CEP68: variants seen among roughly 807,000 people sequenced by gnomAD.
CEP68 encodes the protein centrosomal protein of 68 kDa.
In CEP68, 26 loss-of-function variants were observed where a neutral mutation model predicts 55.3. The ratio of observed to expected loss-of-function variants is 0.47; its 90% CI spans 0.34 to 0.65. The LOEUF is 0.65. Among genes scored for constraint, CEP68 ranks in the 30% least tolerant of loss-of-function variants. The pLI is 0.01. For synonymous variants in CEP68, 402 were observed against 383.2 expected, an observed-to-expected ratio of 1.05 and a Z score of -0.57; for missense variants, 957 against 946.7, an observed-to-expected ratio of 1.01 and a Z score of -0.14.
rs572720065 is a variant in CEP68, at chr2:65,085,041, G to A, written c.*1407G>A. Reference sequence around the variant, plus strand: ...GTTAAAAAGGTAGAGATGTCTGACGGCCTCTTCTTAAATTGATATATTTTA... The same window carrying A: ...GTTAAAAAGGTAGAGATGTCTGACGACCTCTTCTTAAATTGATATATTTTA... On this transcript the variant is annotated 3_prime_UTR_variant, in exon 7 of 7. Transcript: ENST00000377990. The A allele has an allele frequency of 1.3e-5, 2 of 152,166 alleles. No individual in the cohort carries two copies. The highest frequency in any genetic ancestry group is 4.2e-4 in the South Asian group (2 of 4,818). The allele number at this position is 152,166 out of a possible 1,614,324, so 9.4% of individuals were successfully genotyped here. A position where few individuals can be genotyped will look rare whatever the true frequency, so the allele number is the denominator to read the frequency against.
chr2:65,058,326 C>T (rs1401534089), intron 1 of CEP68, among the ~76,000 whole-genome samples: 1 of 151,930 alleles, frequency 6.6e-6, no homozygotes, highest in South Asian at 2.1e-4. Context: ...ACCTCAGCCT[C>T]CCAAGTAGCT....
chr2:65,080,352 GT>G (rs1432635032), intron 5 of CEP68: 1 of 985,100 alleles, frequency 1.0e-6, no homozygotes, highest in African/African-American at 1.8e-5. Flanking sequence ...GAATGTGGCT[GT>G]TTCCCCCTTG....
rs561437986 is a variant in CEP68 at position 65,085,147 on chromosome 2, C to T, written c.*1513C>T. On this transcript the variant is annotated 3_prime_UTR_variant, in exon 7 of 7. Coordinates refer to ENST00000377990, the MANE Select transcript of CEP68 (RefSeq NM_015147.3). ...ACTGAATAGCCCTTAGGAAATTAAA[C>T]CCATTTATTTACTAATATTTGACAG... 6.6e-6 allele frequency: 1 copy of T among 152,198 alleles called. No individual in the cohort carries two copies. Among genetic ancestry groups the T allele is most frequent in the South Asian group, 2.1e-4 (1 of 4,820 alleles). 9.4% of individuals were successfully genotyped at this position (152,198 alleles called of 1,614,324 possible).
chr2:65,080,178 C>T, intron 5 of CEP68: 8 of 944,534 alleles, frequency 8.5e-6, no homozygotes, highest in Non-Finnish European at 1.0e-5. Context: ...TTTTGACCTT[C>T]ATTTTAAAAT....
chr2:65,058,360 G>C (rs1318891578), intron 1 of CEP68, among the ~76,000 whole-genome samples: 1 of 151,526 alleles, frequency 6.6e-6, no homozygotes, highest in African/African-American at 2.4e-5. Context: ...CACATCACCA[G>C]GCCCAGCTAA....
chr2:65,064,189 T>C (rs1001499323), intron 1 of CEP68, among the ~76,000 whole-genome samples: 2 of 152,180 alleles, frequency 1.3e-5, no homozygotes, highest in Non-Finnish European at 2.9e-5. Flanking sequence ...TCCTTGTAAG[T>C]TACTTAGGGA....
At chr2:65,079,178 G>A (rs1027173708) in intron 5 of CEP68, among the ~76,000 whole-genome samples, 1 of 152,218 alleles carries the variant, frequency 6.6e-6, no homozygotes, top group Non-Finnish European at 1.5e-5. Context: ...CCACGGGCTT[G>A]AGAGGCAATG....
chr2:65,074,762 AG>A, intron 4 of CEP68: 1 of 268,548 alleles, frequency 3.7e-6, no homozygotes, highest in South Asian at 3.6e-5. Context: ...CAACATAGCA[AG>A]ACCCCCCCCC....
At chr2:65,076,389 G>A (rs1173162870) in intron 4 of CEP68, among the ~76,000 whole-genome samples, 1 of 152,196 alleles carries the variant, frequency 6.6e-6, no homozygotes, top group African/African-American at 2.4e-5. Context: ...TTGCTTTGTA[G>A]GTAGAGCTGA....
At chr2:65,061,589 A>G (rs1675917422) in intron 1 of CEP68, among the ~76,000 whole-genome samples, 2 of 152,236 alleles carry the variant, frequency 1.3e-5, no homozygotes, top group African/African-American at 4.8e-5. Flanking sequence ...AGGGGGACAA[A>G]GTGCTCAGAG....
chr2:65,058,497 CTTTTTTTTTTTTTTTTT>C lies in CEP68; in HGVS notation c.-47+1979_-47+1995del, dbSNP rs34477880. Among the ~76,000 whole-genome samples, 4 of 75,682 alleles carry C rather than the reference CTTTTTTTTTTTTTTTTT, an allele frequency of 5.3e-5. No homozygotes were observed. In the Admixed American group the frequency reaches 6.1e-4, roughly 12 times the overall value. The allele number at this position is 75,682 out of a possible 152,430, so 49.7% of individuals were successfully genotyped here. ...CCTTATCCGATGGCTGATTTTTTTC[CTTTTTTTTTTTTTTTTT>C]TTTTTTTTTGAGAGGGAGTTTCACT... is the stretch of plus-strand genomic sequence containing the variant. On this transcript the variant is annotated intron_variant, in intron 1 of 6. Coordinates refer to ENST00000377990, the MANE Select transcript of CEP68 (RefSeq NM_015147.3).
chr2:65,060,892 C>T (rs146736211), intron 1 of CEP68, among the ~76,000 whole-genome samples: 94 of 152,188 alleles, frequency 6.2e-4, no homozygotes, highest in African/African-American at 2.2e-3. Context: ...TAAAGGCTAT[C>T]TAGGTTGGGC....
intron 2 of CEP68, chr2:65,071,045 A>G (rs933105885): frequency 8.7e-5 from 18 of 206,330 alleles, no homozygotes; most frequent in Non-Finnish European, 1.6e-4. Context: ...ACTGAGCAGG[A>G]TGGGGTCTGG....
rs1445535212 is a variant in CEP68 at position 65,083,374 on chromosome 2, CCA to C, written c.*5-262_*5-261del. 3.3e-5 allele frequency among the ~76,000 whole-genome samples: 5 copies of C among 152,236 alleles called. No homozygotes were observed. In the South Asian group the frequency reaches 6.2e-4, roughly 19 times the overall value. On this transcript the variant is annotated intron_variant, in intron 6 of 6. Transcript: ENST00000377990. ...AGGAGAGCAAAGGTGGGTGTGTCCA[CCA>C]CAGAGTTGCTACTGCCAATGCTTTT...
At chr2:65,081,932 G>C (rs1386335930) in intron 5 of CEP68, among the ~76,000 whole-genome samples, 1 of 152,202 alleles carries the variant, frequency 6.6e-6, no homozygotes, top group Non-Finnish European at 1.5e-5. Context: ...CCTGACCTCA[G>C]GCAATCCATC....
At position 65,071,695 on chromosome 2, in the gene CEP68, C is replaced by A. The variant is rs140640829; in HGVS notation, c.599C>A (p.Ala200Asp). The change falls in exon 3 of 7, where the codon GCT (alanine) becomes GAT (aspartate). Residue 200 changes from alanine (A) to aspartate (D), a missense_variant. Physicochemically the swap from Ala to Asp is moderately radical, Grantham distance 126. Transcript: ENST00000377990. ...AAQPSSCSIS[A>D]SSTGSSLQGH... ...CAGCCTTCCAGCTGCAGCATCTCTGCTTCCTCCACAGGCAGCAGTCTCCAG... is the reference window on the plus strand; with the variant it reads ...CAGCCTTCCAGCTGCAGCATCTCTGATTCCTCCACAGGCAGCAGTCTCCAG... The A allele has an allele frequency of 7.4e-6, 12 of 1,614,060 alleles. No individual in the cohort carries two copies. The African/African-American group carries it at 1.5e-4, about 20-fold the overall frequency.
chr2:65,065,476 C>T (rs1221348811), intron 1 of CEP68, among the ~76,000 whole-genome samples: 9 of 152,158 alleles, frequency 5.9e-5, no homozygotes. Flanking sequence ...TCTTGGAAAC[C>T]GTGACTCTGC....
intron 1 of CEP68, among the ~76,000 whole-genome samples, chr2:65,065,089 C>T (rs1183654883): frequency 2.0e-5 from 3 of 152,220 alleles, no homozygotes; most frequent in Non-Finnish European, 1.5e-5. Flanking sequence ...TCAGAGGCTT[C>T]GTTTCCCCAT....
Position 65,077,606 on chromosome 2 carries a change from G to GT in CEP68, c.2008-259dup, listed in dbSNP as rs1378121556. 2.6e-5 allele frequency among the ~76,000 whole-genome samples: 4 copies of GT among 152,178 alleles called. No homozygotes were observed. In the East Asian group the frequency reaches 7.7e-4, roughly 29 times the overall value. Reference sequence around the variant, plus strand: ...TAGAAGGAGACCCTAACTCCAAGCTGTTTGTGAGCCAGCCTCTGTCAGGGA... The same window carrying GT: ...TAGAAGGAGACCCTAACTCCAAGCTGTTTTGTGAGCCAGCCTCTGTCAGGGA... On this transcript the variant is annotated intron_variant, in intron 4 of 6. Coordinates refer to ENST00000377990, the MANE Select transcript of CEP68 (RefSeq NM_015147.3).
Sources: gnomAD v4.1 joint callset for allele counts (sites outside exome capture counted in the v4.1 genomes callset) on GRCh38, gnomAD v4.1.1 for gene constraint, MANE v1.5 for transcripts, NCBI Gene and HGNC (gene_info 2026-07-23, HGNC 2026-07-21) for gene names.